Variants in PDE10A observed in about 807,000 individuals in gnomAD.
The protein encoded by PDE10A is cAMP and cAMP-inhibited cGMP 3',5'-cyclic phosphodiesterase 10A.
PDE10A carries 39 observed loss-of-function variants against 97.7 expected under a neutral mutation model. The observed-to-expected ratio is 0.40, with a 90% CI of 0.31 to 0.52. The LOEUF (loss-of-function observed/expected upper bound fraction) is 0.52. Among genes scored for constraint, PDE10A ranks in the 20% least tolerant of loss-of-function variants. The pLI, the probability that PDE10A is intolerant of heterozygous loss-of-function variation, is 0.56. For synonymous variants in PDE10A, 371 were observed against 376.8 expected (o/e 0.98, Z 0.18); for missense variants, 731 against 1,047.8 (o/e 0.70, Z 4.17).
intron 1 of PDE10A, among the ~76,000 whole-genome samples, chr6:165,554,567 A>C (rs530078735): frequency 2.0e-5 from 3 of 152,326 alleles, no homozygotes; most frequent in African/African-American, 7.2e-5. Context: ...TGTGGTATGA[A>C]TATAAATTAG....
chr6:165,379,853 T>A (rs1243888944), intron 17 of PDE10A, among the ~76,000 whole-genome samples: 1 of 152,194 alleles, frequency 6.6e-6, no homozygotes, highest in Non-Finnish European at 1.5e-5. Flanking sequence ...GTAATATATT[T>A]CTCTGTATCC....
intron 3 of PDE10A, among the ~76,000 whole-genome samples, chr6:165,478,062 T>G (rs1450569516): frequency 6.6e-6 from 1 of 152,196 alleles, no homozygotes; most frequent in African/African-American, 2.4e-5. Flanking sequence ...AACTCCCAAA[T>G]GCATATCTCT....
intron 1 of PDE10A, among the ~76,000 whole-genome samples, chr6:165,896,870 A>T (rs945335170): frequency 6.6e-6 from 1 of 151,914 alleles, no homozygotes. Context: ...GGGTTTCACC[A>T]TGTCGGTCAG....
intron 1 of PDE10A, among the ~76,000 whole-genome samples, chr6:165,958,498 CAAG>C (rs1784214685): frequency 1.7e-5 from 1 of 57,718 alleles, no homozygotes; most frequent in Non-Finnish European, 3.5e-5. Context: ...GAGAGAAAGA[CAAG>C]AAAGAAAGAA....
chr6:165,375,904 T>C (rs189904544), intron 18 of PDE10A, among the ~76,000 whole-genome samples: 106 of 152,326 alleles, frequency 7.0e-4, no homozygotes, highest in Middle Eastern at 6.8e-3. Flanking sequence ...ATTCTAAGCC[T>C]ACTATCAAAA....
intron 9 of PDE10A, among the ~76,000 whole-genome samples, chr6:165,429,100 AAT>A (rs1217516737): frequency 2.0e-5 from 3 of 152,140 alleles, no homozygotes; most frequent in Non-Finnish European, 2.9e-5. Context: ...AAATCTCATC[AAT>A]AGTTAAATAT....
At chr6:165,611,384 C>T (rs1292865222) in intron 1 of PDE10A, among the ~76,000 whole-genome samples, 1 of 152,204 alleles carries the variant, frequency 6.6e-6, no homozygotes, top group Non-Finnish European at 1.5e-5. Context: ...AACTGCTTCT[C>T]TGGGTGTCCT....
chr6:165,629,752 T>A (rs1478792591), intron 1 of PDE10A, among the ~76,000 whole-genome samples: 1 of 152,186 alleles, frequency 6.6e-6, no homozygotes, highest in African/African-American at 2.4e-5. Context: ...CAGGCTGGTC[T>A]TCAACTCGTG....
intron 1 of PDE10A, among the ~76,000 whole-genome samples, chr6:165,847,746 A>G (rs1780460252): frequency 6.6e-6 from 1 of 152,270 alleles, no homozygotes; most frequent in African/African-American, 2.4e-5. Flanking sequence ...GTTTTTGGCA[A>G]CAGTTAAGGG....
rs544175688 is a variant in PDE10A at position 165,927,824 on chromosome 6, G to C, written c.-615+59705C>G. Among the ~76,000 whole-genome samples the C allele has an allele frequency of 2.0e-3, 300 of 149,948 alleles. 2 individuals are homozygous for C. Among genetic ancestry groups the C allele is most frequent in the African/African-American group, 6.9e-3 (284 of 41,128 alleles). ...CAATTCTCCTGCCTAAGCCCCCCAAGTATCTGGGACTATAGGTGTGCGCCA... is the reference window on the plus strand; with the variant it reads ...CAATTCTCCTGCCTAAGCCCCCCAACTATCTGGGACTATAGGTGTGCGCCA... On this transcript the variant is annotated intron_variant, in intron 1 of 19. Transcript: ENST00000366882.
chr6:165,407,265 A>C (rs980531412), intron 13 of PDE10A, among the ~76,000 whole-genome samples: 1 of 152,184 alleles, frequency 6.6e-6, no homozygotes, highest in African/African-American at 2.4e-5. Context: ...GAACGATGTC[A>C]GAGAGAAGCC....
intron 5 of PDE10A, among the ~76,000 whole-genome samples, chr6:165,448,323 C>T (rs998393096): frequency 6.6e-6 from 1 of 152,126 alleles, no homozygotes; most frequent in Non-Finnish European, 1.5e-5. Context: ...TTTGAAAGTG[C>T]CTTTCTATGT....
chr6:165,815,956 CTT>C (rs35107104), intron 1 of PDE10A, among the ~76,000 whole-genome samples: 1 of 147,530 alleles, frequency 6.8e-6, no homozygotes, highest in Non-Finnish European at 1.5e-5. Flanking sequence ...TCTTTTTTAT[CTT>C]TTTTTTTTTG....
chr6:165,369,973 C>G (rs2128199955), intron 18 of PDE10A, among the ~76,000 whole-genome samples: 1 of 145,652 alleles, frequency 6.9e-6, no homozygotes, highest in Non-Finnish European at 1.5e-5. Flanking sequence ...CATATCCAGC[C>G]AAACTAAGCT....
chr6:165,501,862 A>G (rs1262669562), intron 2 of PDE10A, among the ~76,000 whole-genome samples: 3 of 152,222 alleles, frequency 2.0e-5, no homozygotes, highest in Non-Finnish European at 4.4e-5. Context: ...TTGAAAATAA[A>G]TAAGTTGTAG....
intron 1 of PDE10A, among the ~76,000 whole-genome samples, chr6:165,961,537 C>T (rs190466480): frequency 7.1e-4 from 108 of 152,326 alleles, no homozygotes; most frequent in Admixed American, 1.6e-3. Flanking sequence ...TTACCCATGA[C>T]GTCAGCGAGG....
At chr6:165,367,271 C>T (rs1307007623) in intron 18 of PDE10A, among the ~76,000 whole-genome samples, 2 of 150,342 alleles carry the variant, frequency 1.3e-5, no homozygotes, top group African/African-American at 4.9e-5. Context: ...GTGCGTGCAT[C>T]TGTGTGTATT....
intron 1 of PDE10A, among the ~76,000 whole-genome samples, chr6:165,602,709 A>G (rs1787022058): frequency 6.6e-6 from 1 of 152,194 alleles, no homozygotes; most frequent in Admixed American, 6.5e-5. Flanking sequence ...ATCAAGTCCC[A>G]CAAAAATCCA....
intron 1 of PDE10A, among the ~76,000 whole-genome samples, chr6:165,853,490 T>C (rs1780628695): frequency 6.6e-6 from 1 of 152,238 alleles, no homozygotes; most frequent in Non-Finnish European, 1.5e-5. Flanking sequence ...CATTCATCTT[T>C]ATATCAGAGT....
Sources: allele counts gnomAD v4.1 joint callset (sites outside exome capture counted in the v4.1 genomes callset), GRCh38; gene constraint gnomAD v4.1.1; transcripts MANE v1.5; gene names NCBI Gene and HGNC (gene_info 2026-07-23, HGNC 2026-07-21).